ARHGEF9: variants seen among roughly 807,000 people sequenced by gnomAD.
ARHGEF9 encodes the protein rho guanine nucleotide exchange factor 9.
In ARHGEF9, 2 loss-of-function variants were observed where a neutral mutation model predicts 41.3. That is an observed-to-expected ratio of 0.05 (90% confidence interval 0.02 to 0.15). The LOEUF (loss-of-function observed/expected upper bound fraction) is 0.15. Among genes scored for constraint, ARHGEF9 ranks in the 10% least tolerant of loss-of-function variants. ARHGEF9 has a pLI of 1.00. For synonymous variants in ARHGEF9, 160 were observed against 154.4 expected (o/e 1.04, Z -0.27); for missense variants, 225 against 424.7 (o/e 0.53, Z 4.13).
chrX:63,745,457 C>T (rs2055209759), intron 1 of ARHGEF9, among the ~76,000 whole-genome samples: 1 of 111,249 alleles, frequency 9.0e-6, no homozygotes, highest in Non-Finnish European at 1.9e-5. Context: ...CCCAGCCTCT[C>T]GTCAGCTTGC....
At position 63,768,267 on chromosome X, in the gene ARHGEF9, T is replaced by C. The variant is rs2056146416; in HGVS notation, c.30+16849A>G. Reference sequence around the variant, plus strand: ...CATTCCTGAGTTACTTCACTTGTAATAAGAGCCTCTAGCTCCATCCAAGTT... The same window carrying C: ...CATTCCTGAGTTACTTCACTTGTAACAAGAGCCTCTAGCTCCATCCAAGTT... On this transcript the variant is annotated intron_variant, in intron 1 of 9. Coordinates refer to ENST00000671741, the MANE Select transcript of ARHGEF9 (RefSeq NM_001353921.2). Among the ~76,000 whole-genome samples, 4 of 112,064 alleles carry C rather than the reference T, an allele frequency of 3.6e-5. No individual in the cohort carries two copies. The Admixed American group carries it at 3.8e-4, about 11-fold the overall frequency.
chrX:63,771,545 G>C (rs1411528012), intron 1 of ARHGEF9, among the ~76,000 whole-genome samples: 1 of 110,878 alleles, frequency 9.0e-6, no homozygotes, highest in Non-Finnish European at 1.9e-5. Context: ...GCATAATGTA[G>C]GTGGGCTTCA....
At chrX:63,763,628 A>AT (rs1287862976) in intron 1 of ARHGEF9, among the ~76,000 whole-genome samples, 3 of 110,699 alleles carry the variant, frequency 2.7e-5, no homozygotes, top group African/African-American at 9.9e-5. Flanking sequence ...ATTTAATGTC[A>AT]TCGAGCCTCA....
intron 1 of ARHGEF9, among the ~76,000 whole-genome samples, chrX:63,769,598 G>A (rs1191223724): frequency 8.1e-5 from 9 of 111,765 alleles, no homozygotes; most frequent in African/African-American, 2.9e-4. Flanking sequence ...AGACATAGAG[G>A]TTTAGGAGGA....
intron 7 of ARHGEF9, among the ~76,000 whole-genome samples, chrX:63,660,869 G>C (rs1289919554): frequency 9.0e-6 from 1 of 111,634 alleles, no homozygotes; most frequent in Admixed American, 9.5e-5. Flanking sequence ...AGCACAGAAA[G>C]TTTGCCCAAG....
chrX:63,737,184 C>G (rs554902965), intron 1 of ARHGEF9: 1 of 111,767 alleles, frequency 8.9e-6, no homozygotes, highest in South Asian at 3.7e-4. Context: ...AGAATCTCCC[C>G]CACGACCAGA....
chrX:63,706,612 G>C (rs1163773693), intron 2 of ARHGEF9, among the ~76,000 whole-genome samples, 163 bp from the exon 3 acceptor site: 1 of 111,853 alleles, frequency 8.9e-6, no homozygotes, highest in Non-Finnish European at 1.9e-5. Flanking sequence ...GTGACTTTTT[G>C]CCCTGGGCAT....
At chrX:63,699,418 G>A (rs184568273) in intron 3 of ARHGEF9, among the ~76,000 whole-genome samples, 1 of 111,755 alleles carries the variant, frequency 8.9e-6, no homozygotes, top group Non-Finnish European at 1.9e-5. Context: ...TATTTGAAAA[G>A]TCTCAGGGAA....
At chrX:63,753,554 T>TC (rs1396364701) in intron 1 of ARHGEF9, among the ~76,000 whole-genome samples, 1 of 109,099 alleles carries the variant, frequency 9.2e-6, no homozygotes, top group Non-Finnish European at 1.9e-5. Flanking sequence ...TTTTTTTTTT[T>TC]TTTTGATGAG....
intron 8 of ARHGEF9, among the ~76,000 whole-genome samples, chrX:63,652,293 C>T (rs1191300401): frequency 8.9e-6 from 1 of 111,833 alleles, no homozygotes; most frequent in Non-Finnish European, 1.9e-5. Flanking sequence ...ATTCAATCAA[C>T]TGTGGATCAA....
chrX:63,762,842 TC>T (rs2147803489), intron 1 of ARHGEF9, among the ~76,000 whole-genome samples: 1 of 111,569 alleles, frequency 9.0e-6, no homozygotes, highest in South Asian at 3.8e-4. Flanking sequence ...GACCAACCCC[TC>T]CTCTTCCTTC....
At chrX:63,665,508 T>C (rs2049474199) in intron 7 of ARHGEF9, among the ~76,000 whole-genome samples, 3 of 112,897 alleles carry the variant, frequency 2.7e-5, no homozygotes, top group South Asian at 7.3e-4. Flanking sequence ...AGAGTGGAAA[T>C]GAGGGAAAGT....
chrX:63,679,749 A>C (rs1556366888), intron 4 of ARHGEF9, among the ~76,000 whole-genome samples: 2 of 112,113 alleles, frequency 1.8e-5, no homozygotes, highest in South Asian at 3.7e-4. Flanking sequence ...ACTTGGTAAA[A>C]TATTGAATGC....
intron 1 of ARHGEF9, 118 bp from the exon 2 acceptor site, chrX:63,724,829 G>A: frequency 1.4e-6 from 1 of 703,539 alleles, no homozygotes; most frequent in Non-Finnish European, 2.2e-6. Flanking sequence ...GTGAGAGATA[G>A]GGGTGAGGGG....
intron 4 of ARHGEF9, among the ~76,000 whole-genome samples, chrX:63,690,007 G>T (rs1287093390): frequency 9.0e-6 from 1 of 111,022 alleles, no homozygotes; most frequent in Non-Finnish European, 1.9e-5. Context: ...GTACAAAGAG[G>T]AAAATTTATG....
intron 6 of ARHGEF9, among the ~76,000 whole-genome samples, chrX:63,666,449 T>TACAAACACACACACACACACACACAC: frequency 5.0e-5 from 1 of 19,850 alleles, no homozygotes; most frequent in African/African-American, 1.5e-4. Flanking sequence ...CATATATATA[T>TACAAACACACACACACACACACACAC]ACATACACAC....
chrX:63,731,643 T>G (rs1384635798), intron 1 of ARHGEF9, among the ~76,000 whole-genome samples: 1 of 96,858 alleles, frequency 1.0e-5, no homozygotes, highest in Admixed American at 1.2e-4. Context: ...CACTGCAACC[T>G]CCACCTCCCG....
chrX:63,719,683 T>C (rs1235636264), intron 2 of ARHGEF9: 4 of 295,612 alleles, frequency 1.4e-5, no homozygotes, highest in African/African-American at 2.7e-5. Flanking sequence ...CCATTCCCCA[T>C]TCCCCAGTGG....
chrX:63,682,040 C>T (rs2050654669), intron 4 of ARHGEF9, among the ~76,000 whole-genome samples: 1 of 109,576 alleles, frequency 9.1e-6, no homozygotes, highest in South Asian at 3.8e-4. Flanking sequence ...TTAAAATCTC[C>T]TAACAACAAA....
Sources: gnomAD v4.1 joint callset for allele counts (sites outside exome capture counted in the v4.1 genomes callset) on GRCh38, gnomAD v4.1.1 for gene constraint, MANE v1.5 for transcripts, NCBI Gene and HGNC (gene_info 2026-07-23, HGNC 2026-07-21) for gene names.